The following TENM2 variants were observed in gnomAD, a reference collection of about 807,000 sequenced individuals.
The protein encoded by TENM2 is teneurin-2.
A neutral mutation model predicts 245.2 loss-of-function variants in TENM2; 52 were observed. The observed-to-expected ratio is 0.21, with a 90% CI of 0.17 to 0.27. The LOEUF is 0.27. Ranked by LOEUF, TENM2 falls within the 10% of genes least tolerant of loss-of-function variation. The pLI, the probability that TENM2 is intolerant of heterozygous loss-of-function variation, is 1.00. For missense variants in TENM2, 3,046 were observed against 3,666.8 expected (o/e 0.83, Z 4.37); for synonymous variants, 1,363 against 1,438.9 (o/e 0.95, Z 1.19).
At chr5:167,004,250 A>G in the TENM2 span, among the ~76,000 whole-genome samples, 6 of 152,210 alleles carry the variant, frequency 3.9e-5, no homozygotes, top group Admixed American at 3.9e-4. Context: ...GATGAGGAAA[A>G]TGCTTATTTT....
In TENM2 at chr5:167,815,216, C is replaced by A. The variant is rs145842505; in HGVS notation, c.503-60770C>A. Among the ~76,000 whole-genome samples, 4 of 152,228 alleles carry A rather than the reference C, an allele frequency of 2.6e-5. No homozygotes were observed. The East Asian group carries it at 7.7e-4, about 29-fold the overall frequency. ...ATAAGGCAGGATATTGCAGGCCATT[C>A]AGGAGATGTGCCTTTCAGAGAAGGA... On this transcript the variant is annotated intron_variant, in intron 2 of 28. Transcript: ENST00000518659.
intron 2 of TENM2, among the ~76,000 whole-genome samples, chr5:167,666,590 C>G (rs1755592363): frequency 1.3e-5 from 2 of 152,104 alleles, no homozygotes; most frequent in Admixed American, 1.3e-4. Context: ...TGGCTGAGAT[C>G]ACTCAAGGAC....
chr5:168,256,711 C>T (rs1021446926), intron 27 of TENM2, among the ~76,000 whole-genome samples: 1 of 152,198 alleles, frequency 6.6e-6, no homozygotes, highest in African/African-American at 2.4e-5. Flanking sequence ...AGGCATGAGC[C>T]ACCTCGCCCG....
chr5:167,890,366 A>G (rs549400866), intron 3 of TENM2, among the ~76,000 whole-genome samples: 6 of 152,188 alleles, frequency 3.9e-5, no homozygotes, highest in Admixed American at 2.0e-4. Context: ...TGGTGATGAT[A>G]ATGATATTAA....
rs1791819587 is a variant in TENM2, at chr5:168,079,833, A to G, written c.1516-10741A>G. Among the ~76,000 whole-genome samples the G allele has an allele frequency of 2.6e-5, 4 of 152,310 alleles. No homozygotes were observed. The South Asian group carries it at 8.3e-4, about 32-fold the overall frequency. ...GATGTGCTGCTGGATTCGGTTTGCC[A>G]GTATTTTATTGAGGATTTTTGTATC... On this transcript the variant is annotated intron_variant, in intron 7 of 28. Transcript: ENST00000518659.
At chr5:167,314,790 T>A (rs1017456403) in intron 1 of TENM2, among the ~76,000 whole-genome samples, 2 of 152,126 alleles carry the variant, frequency 1.3e-5, no homozygotes, top group Admixed American at 6.5e-5. Context: ...TAATATATAT[T>A]AATGATATAC....
At chr5:167,524,578 G>T (rs952544399) in intron 2 of TENM2, among the ~76,000 whole-genome samples, 71 of 152,044 alleles carry the variant, frequency 4.7e-4, no homozygotes, top group Middle Eastern at 3.4e-3. Context: ...CTTAGATCTG[G>T]ATGAAGCCTA....
At chr5:167,783,790 A>G (rs373253978) in intron 2 of TENM2, among the ~76,000 whole-genome samples, 3 of 152,052 alleles carry the variant, frequency 2.0e-5, no homozygotes, top group Non-Finnish European at 2.9e-5. Flanking sequence ...AATCACACAG[A>G]TGGTGTGGGA....
At chr5:167,105,817 GGCGGAGCTTGCAGTGAGCCGA>G in the TENM2 span, among the ~76,000 whole-genome samples, 3 of 138,914 alleles carry the variant, frequency 2.2e-5, no homozygotes, top group Non-Finnish European at 4.6e-5. Flanking sequence ...GAACCCGGGA[GGCGGAGCTTGCAGTGAGCCGA>G]GATCCCGCCA....
intron 3 of TENM2, among the ~76,000 whole-genome samples, chr5:167,941,247 G>A (rs1178760156): frequency 6.6e-6 from 1 of 152,122 alleles, no homozygotes; most frequent in East Asian, 1.9e-4. Flanking sequence ...ATGCAAAATG[G>A]GGGCTGATGT....
At chr5:167,358,782 C>T (rs1759508062) in intron 1 of TENM2, among the ~76,000 whole-genome samples, 2 of 149,338 alleles carry the variant, frequency 1.3e-5, no homozygotes, top group East Asian at 2.0e-4. Context: ...CTCAACATCT[C>T]GAAGACTGAA....
chr5:168,247,626 T>C lies in TENM2; in HGVS notation c.6687T>C (p.Asn2229=), dbSNP rs1562333553. The change falls in exon 27 of 29, where the codon AAT becomes AAC. Residue 2229 remains asparagine (N), a synonymous_variant. Transcript: ENST00000518659. This position sits in a 1 kb window ranked among gnomAD's most constrained non-coding sequence, Gnocchi z 7.8. The stretch of plus-strand genomic sequence containing the variant: ...CCTGGCGCTACAGCTATGACCTTAA[T>C]GGGAATCTCCACTTACTGAACCCAG... 13 of 1,613,924 alleles carry C rather than the reference T, an allele frequency of 8.1e-6. No homozygotes were observed. The highest frequency in any genetic ancestry group is 9.3e-6 in the Non-Finnish European group (11 of 1,179,878).
At chr5:167,180,332 C>T in the TENM2 span, among the ~76,000 whole-genome samples, 1 of 152,046 alleles carries the variant, frequency 6.6e-6, no homozygotes, top group Non-Finnish European at 1.5e-5. Flanking sequence ...TGGTCTCGAA[C>T]CCCTGACCTC....
intron 2 of TENM2, among the ~76,000 whole-genome samples, chr5:167,415,200 T>C (rs2127412425): frequency 6.6e-6 from 1 of 152,294 alleles, no homozygotes; most frequent in East Asian, 1.9e-4. Context: ...AACTGTAGGA[T>C]AGGTAAGTCC....
At chr5:167,764,707 G>A (rs749610135) in intron 2 of TENM2, among the ~76,000 whole-genome samples, 9 of 152,152 alleles carry the variant, frequency 5.9e-5, no homozygotes, top group Admixed American at 2.0e-4. Context: ...TCTATCACCC[G>A]TATGCAGAGA....
rs1357734689 is a variant in TENM2 at position 167,452,849 on chromosome 5, G to A, written c.502+77376G>A. Among the ~76,000 whole-genome samples the A allele has an allele frequency of 2.8e-5, 4 of 144,496 alleles. No homozygotes were observed. The East Asian group carries it at 8.2e-4, about 30-fold the overall frequency. 94.8% of individuals were successfully genotyped at this position (144,496 alleles called of 152,430 possible). On this transcript the variant is annotated intron_variant, in intron 2 of 28. Coordinates refer to ENST00000518659, the Ensembl canonical transcript of TENM2. Reference sequence around the variant, plus strand: ...TAATGTAAATGACAAGTTAATGGGTGCAGCACACCAACATGGCACATGTAT... The same window carrying A: ...TAATGTAAATGACAAGTTAATGGGTACAGCACACCAACATGGCACATGTAT...
At chr5:168,016,340 C>T (rs1035515813) in intron 5 of TENM2, among the ~76,000 whole-genome samples, 3 of 152,222 alleles carry the variant, frequency 2.0e-5, no homozygotes, top group African/African-American at 4.8e-5. Flanking sequence ...TCAACTCTGT[C>T]TTACTATCAT....
At chr5:167,892,662 T>G (rs1354335681) in intron 3 of TENM2, among the ~76,000 whole-genome samples, 1 of 152,180 alleles carries the variant, frequency 6.6e-6, no homozygotes, top group Non-Finnish European at 1.5e-5. Flanking sequence ...TTAGTAGGCT[T>G]GGGGAAAAGT....
At chr5:167,377,398 CTG>C (rs1230375953) in intron 2 of TENM2, among the ~76,000 whole-genome samples, 2 of 152,076 alleles carry the variant, frequency 1.3e-5, no homozygotes, top group Non-Finnish European at 2.9e-5. Flanking sequence ...CTAAGCAACT[CTG>C]TATGTGAGTG....
Sources: allele counts gnomAD v4.1 joint callset (sites outside exome capture counted in the v4.1 genomes callset), GRCh38; gene constraint gnomAD v4.1.1; non-coding constraint Gnocchi (gnomAD v3.1); transcripts MANE v1.5; gene names NCBI Gene and HGNC (gene_info 2026-07-23, HGNC 2026-07-21).